MDM2: variants seen among roughly 807,000 people sequenced by gnomAD.
MDM2 encodes E3 ubiquitin-protein ligase Mdm2.
In MDM2, 11 loss-of-function variants were observed where a neutral mutation model predicts 64.3. That is an observed-to-expected ratio of 0.17 (90% confidence interval 0.11 to 0.28). The LOEUF (loss-of-function observed/expected upper bound fraction) is 0.28. MDM2 is among the 10% of genes least tolerant of loss of function. The pLI is 1.00. For missense variants in MDM2, 388 were observed against 577.1 expected (o/e 0.67, Z 3.36); for synonymous variants, 194 against 192.9 (o/e 1.01, Z -0.05).
intron 2 of MDM2, among the ~76,000 whole-genome samples, chr12:68,809,914 G>A (rs886879879): frequency 2.4e-4 from 37 of 152,278 alleles, no homozygotes; most frequent in Middle Eastern, 6.8e-3. Flanking sequence ...AATTATTTAT[G>A]CCTTTACTGA....
chr12:68,847,544 C>G (rs559091360), downstream of MDM2: 56 of 144,898 alleles, frequency 3.9e-4, no homozygotes, highest in African/African-American at 1.4e-3. Flanking sequence ...AGCTCCGCCT[C>G]CCAGGTTCAC....
rs1592606956 is a variant in MDM2 at position 68,842,689 on chromosome 12, T to C, written c.*2840T>C. On this transcript the variant is annotated 3_prime_UTR_variant, in exon 11 of 11. Transcript: ENST00000258149. ...ATGACATTCAAAAATTTATGGCTAG[T>C]GATATATATAAAGTAAAATTTTCTT... 1 of 203,498 alleles carries C rather than the reference T, an allele frequency of 4.9e-6. No homozygotes were observed. Among genetic ancestry groups the C allele is most frequent in the Admixed American group, 5.5e-5 (1 of 18,320 alleles). 12.6% of individuals were successfully genotyped at this position (203,498 alleles called of 1,614,324 possible).
intron 8 of MDM2, among the ~76,000 whole-genome samples, chr12:68,833,149 A>AAATATATAT (rs1555187768): frequency 1.5e-5 from 1 of 65,978 alleles, no homozygotes. Context: ...AAAAAAAAAA[A>AAATATATAT]ATATATATAT....
intron 5 of MDM2, among the ~76,000 whole-genome samples, chr12:68,821,418 A>T (rs1881838940): frequency 6.6e-6 from 1 of 152,088 alleles, no homozygotes. Context: ...CCATCCTCGA[A>T]CTACAGTTAA....
At position 68,841,904 on chromosome 12, in the gene MDM2, A is replaced by C; in HGVS notation, c.*2055A>C. The stretch of plus-strand genomic sequence containing the variant: ...CTCAAGCTCCGTGTTTGGTCAGTGG[A>C]GGCCCATCCGAGCTCAGCACTGAGA... On this transcript the variant is annotated 3_prime_UTR_variant, in exon 11 of 11. Coordinates refer to ENST00000258149, the MANE Select transcript of MDM2 (RefSeq NM_002392.6). 1 of 241,972 alleles carries C rather than the reference A, an allele frequency of 4.1e-6. No homozygotes were observed. Among genetic ancestry groups the C allele is most frequent in the Non-Finnish European group, 8.3e-6 (1 of 120,076 alleles). The allele number at this position is 241,972 out of a possible 1,614,324, so 15.0% of individuals were successfully genotyped here.
Position 68,815,433 on chromosome 12 carries a change from CTTTTTTTTT to C in MDM2, c.175-1363_175-1355del, listed in dbSNP as rs58178593. Among the ~76,000 whole-genome samples, 387 of 93,062 alleles carry C rather than the reference CTTTTTTTTT, an allele frequency of 4.2e-3. 4 individuals carry two copies. The highest frequency in any genetic ancestry group is 0.016 in the African/African-American group (365 of 22,798). The allele number at this position is 93,062 out of a possible 152,430, so 61.1% of individuals were successfully genotyped here. On this transcript the variant is annotated intron_variant, in intron 3 of 10. Coordinates refer to ENST00000258149, the MANE Select transcript of MDM2 (RefSeq NM_002392.6). The stretch of plus-strand genomic sequence containing the variant: ...GAAGAGCTGGGGCCAGTTTCTTCTT[CTTTTTTTTT>C]TTTTTTTTTTTTTTTATGTGACAGT...
intron 8 of MDM2, among the ~76,000 whole-genome samples, chr12:68,831,605 C>T (rs1375930966): frequency 6.6e-6 from 1 of 152,204 alleles, no homozygotes; most frequent in Non-Finnish European, 1.5e-5. Flanking sequence ...AGAGCCAGGG[C>T]TTTTATGCTA....
intron 5 of MDM2, among the ~76,000 whole-genome samples, chr12:68,823,738 C>T (rs1036561949): frequency 2.0e-5 from 3 of 152,156 alleles, no homozygotes; most frequent in African/African-American, 7.2e-5. Flanking sequence ...TTTCTGTGAG[C>T]TAGAAATCAG....
chr12:68,831,323 A>G (rs1395624542), intron 8 of MDM2, among the ~76,000 whole-genome samples: 10 of 152,196 alleles, frequency 6.6e-5, no homozygotes, highest in African/African-American at 1.2e-4. Flanking sequence ...AGCCAGTTTT[A>G]TGTGACGGCT....
rs772975884 is a variant in MDM2, at chr12:68,820,319, T to C, written c.309-6T>C. The stretch of plus-strand genomic sequence containing the variant: ...TCTTGTTATTTTTTTTTTTTCTGTC[T>C]ACAAGGAAAATATATACCATGATCT... On this transcript the variant is annotated splice_region_variant and splice_polypyrimidine_tract_variant and intron_variant, in intron 4 of 10. Coordinates refer to ENST00000258149, the MANE Select transcript of MDM2 (RefSeq NM_002392.6). 2.5e-6 allele frequency: 4 copies of C among 1,578,452 alleles called. No individual in the cohort carries two copies. Among genetic ancestry groups the C allele is most frequent in the Non-Finnish European group, 3.4e-6 (4 of 1,162,018 alleles).
rs1883340663 is a variant in MDM2, at chr12:68,836,761, T to A, written c.918+12T>A. On this transcript the variant is annotated intron_variant, in intron 10 of 10. Transcript: ENST00000258149. ...AAATTTCCTTAGCTGTAAGTATACA[T>A]CTACTTTTTTAAGAAATAAAAATTT... 1 of 1,558,822 alleles carries A rather than the reference T, an allele frequency of 6.4e-7. No homozygotes were observed. The highest frequency in any genetic ancestry group is 8.8e-7 in the Non-Finnish European group (1 of 1,132,910).
intron 8 of MDM2, among the ~76,000 whole-genome samples, chr12:68,830,662 T>C (rs963744940): frequency 5.9e-5 from 9 of 152,164 alleles, no homozygotes; most frequent in Non-Finnish European, 1.3e-4. Context: ...ACTTGATGAG[T>C]ATCCAACCTA....
intron 3 of MDM2, among the ~76,000 whole-genome samples, chr12:68,815,944 T>C (rs2136119416): frequency 6.6e-6 from 1 of 152,354 alleles, no homozygotes; most frequent in Non-Finnish European, 1.5e-5. Context: ...CTTTTATTAA[T>C]GGTTCAAAGT....
At chr12:68,832,589 G>GCAACCT (rs1205784252) in intron 8 of MDM2, among the ~76,000 whole-genome samples, 2 of 152,112 alleles carry the variant, frequency 1.3e-5, no homozygotes, top group East Asian at 3.9e-4. Context: ...ATGGCTTACT[G>GCAACCT]CAACCTCAAC....
At chr12:68,808,634 G>T in intron 1 of MDM2, 143 bp downstream of exon 1, 1 of 1,272,868 alleles carries the variant, frequency 7.9e-7, no homozygotes, top group Non-Finnish European at 1.1e-6. Flanking sequence ...GGGGCATGGG[G>T]CACGTGGCTT....
intron 4 of MDM2, among the ~76,000 whole-genome samples, chr12:68,818,983 T>G (rs1471265607): frequency 6.6e-6 from 1 of 152,126 alleles, no homozygotes; most frequent in Non-Finnish European, 1.5e-5. Context: ...CTGCCTGTCT[T>G]GGCCTCCCAA....
At position 68,842,086 on chromosome 12, in the gene MDM2, G is replaced by A. The variant is rs527879571; in HGVS notation, c.*2237G>A. On this transcript the variant is annotated 3_prime_UTR_variant, in exon 11 of 11. Coordinates refer to ENST00000258149, the MANE Select transcript of MDM2 (RefSeq NM_002392.6). The stretch of plus-strand genomic sequence containing the variant: ...TAGGTGGACTAAAGCATTCTGTAAA[G>A]CAACTGCTAATAATGAGCTTACAGT... 24 of 415,254 alleles carry A rather than the reference G, an allele frequency of 5.8e-5. No individual in the cohort carries two copies. Among genetic ancestry groups the A allele is most frequent in the South Asian group, 4.7e-4 (22 of 46,384 alleles). The allele number at this position is 415,254 out of a possible 1,614,324, so 25.7% of individuals were successfully genotyped here. A position where few individuals can be genotyped will look rare whatever the true frequency, so the allele number is the denominator to read the frequency against.
intron 8 of MDM2, among the ~76,000 whole-genome samples, chr12:68,832,549 G>A (rs550306872): frequency 3.9e-5 from 6 of 152,150 alleles, no homozygotes; most frequent in Admixed American, 2.0e-4. Flanking sequence ...CTCTCACTCC[G>A]TTGCCCAGGC....
At chr12:68,815,238 A>G (rs1454066943) in intron 3 of MDM2, among the ~76,000 whole-genome samples, 1 of 152,222 alleles carries the variant, frequency 6.6e-6, no homozygotes, top group African/African-American at 2.4e-5. Flanking sequence ...TAGAAATGAG[A>G]AAATTGGCCA....
Sources: allele counts gnomAD v4.1 joint callset (sites outside exome capture counted in the v4.1 genomes callset), GRCh38; gene constraint gnomAD v4.1.1; transcripts MANE v1.5; gene names NCBI Gene and HGNC (gene_info 2026-07-23, HGNC 2026-07-21).